Variants in PLXNA2 observed in about 807,000 individuals in gnomAD.
The protein encoded by PLXNA2 is plexin A2.
In PLXNA2, 91 loss-of-function variants were observed where a neutral mutation model predicts 193.5. The ratio of observed to expected loss-of-function variants is 0.47; its 90% confidence interval spans 0.40 to 0.56. The LOEUF (loss-of-function observed/expected upper bound fraction) is 0.56, where lower values mean the gene tolerates loss of function less well. PLXNA2 is among the 20% of genes least tolerant of loss of function. The pLI, the probability that PLXNA2 is intolerant of heterozygous loss-of-function variation, is 0.00. For missense variants in PLXNA2, 1,995 were observed against 2,503.2 expected (o/e 0.80, Z 4.33); for synonymous variants, 997 against 1,027.3 (o/e 0.97, Z 0.56).
In PLXNA2 at chr1:208,023,105, G is replaced by A. The variant is rs749548070; in HGVS notation, c.*4138C>T. On this transcript the variant is annotated 3_prime_UTR_variant, in exon 32 of 32. Transcript: ENST00000367033. ...AGCATGTTCCTGAGACAAGGCGTCG[G>A]AAGGCCCTGAAGTTCATCTCCCAAG... is the stretch of plus-strand genomic sequence containing the variant. The A allele has an allele frequency of 2.0e-5, 3 of 152,164 alleles. No individual in the cohort carries two copies. The highest frequency in any genetic ancestry group is 4.8e-5 in the African/African-American group (2 of 41,418). The allele number at this position is 152,164 out of a possible 1,614,324, so 9.4% of individuals were successfully genotyped here.
intron 29 of PLXNA2, 85 bp downstream of exon 29, chr1:208,031,505 C>CCACCCTCCCATCTCCTG: frequency 6.6e-7 from 1 of 1,526,272 alleles, no homozygotes; most frequent in South Asian, 1.1e-5. Context: ...GGCTATCCTC[C>CCACCCTCCCATCTCCTG]CACCCTCCCA....
At chr1:208,080,768 C>T (rs565964813) in intron 11 of PLXNA2, among the ~76,000 whole-genome samples, 1 of 152,324 alleles carries the variant, frequency 6.6e-6, no homozygotes, top group Admixed American at 6.5e-5. Flanking sequence ...TACCCATGAG[C>T]TCATTTGATC....
chr1:208,096,400 G>C (rs1209802317), intron 7 of PLXNA2, among the ~76,000 whole-genome samples: 1 of 152,134 alleles, frequency 6.6e-6, no homozygotes, highest in Non-Finnish European at 1.5e-5. Context: ...TTCCATTACT[G>C]AAAGGATTTC....
chr1:208,164,410 G>A (rs1486241677), intron 3 of PLXNA2, among the ~76,000 whole-genome samples: 1 of 152,356 alleles, frequency 6.6e-6, no homozygotes, highest in East Asian at 1.9e-4. Context: ...AAAGGTAAGA[G>A]CAGAGGTGAG....
chr1:208,029,654 C>T, intron 29 of PLXNA2: 1 of 987,220 alleles, frequency 1.0e-6, no homozygotes, highest in Non-Finnish European at 1.2e-6. Flanking sequence ...GAAGTGGAGG[C>T]CATTGTTGGC....
chr1:208,186,921 C>G lies in PLXNA2; in HGVS notation c.1371+23359G>C, dbSNP rs557368060. ...TATTTTTAGTAGAGACGGGGTTTCA[C>G]CTTGTTAGCCAGGATGGTCTCGATC... On this transcript the variant is annotated intron_variant, in intron 3 of 31. Coordinates refer to ENST00000367033, the MANE Select transcript of PLXNA2 (RefSeq NM_025179.4). 3.6e-4 allele frequency among the ~76,000 whole-genome samples: 54 copies of G among 151,012 alleles called. 1 individual carries two copies. In the East Asian group the frequency reaches 9.2e-3, roughly 26 times the overall value.
At chr1:208,192,107 G>C (rs1258955002) in intron 3 of PLXNA2, among the ~76,000 whole-genome samples, 1 of 152,156 alleles carries the variant, frequency 6.6e-6, no homozygotes, top group Non-Finnish European at 1.5e-5. Context: ...CTCAGCCCGT[G>C]CTGCCTGATT....
In PLXNA2 at chr1:208,185,949, C is replaced by A. The variant is rs1046482761; in HGVS notation, c.1371+24331G>T. 7.9e-5 allele frequency among the ~76,000 whole-genome samples: 12 copies of A among 152,052 alleles called. No homozygotes were observed. The South Asian group carries it at 2.3e-3, about 29-fold the overall frequency. On this transcript the variant is annotated intron_variant, in intron 3 of 31. Transcript: ENST00000367033. ...GTGGTGTCTATCAAGACTTAGCAAC[C>A]ACTGGGGCAGCAGACTAGATGTAGC...
At chr1:208,195,107 G>C (rs1014014670) in intron 3 of PLXNA2, among the ~76,000 whole-genome samples, 1 of 152,200 alleles carries the variant, frequency 6.6e-6, no homozygotes, top group African/African-American at 2.4e-5. Flanking sequence ...AAGAGTGAGT[G>C]GGAGAAGGCA....
chr1:208,212,700 C>A (rs1337546253), intron 2 of PLXNA2, among the ~76,000 whole-genome samples: 1 of 152,198 alleles, frequency 6.6e-6, no homozygotes, highest in African/African-American at 2.4e-5. Flanking sequence ...TTAATATTTA[C>A]CAGCACACCA....
At chr1:208,085,339 A>T (rs1666483245) in intron 9 of PLXNA2, among the ~76,000 whole-genome samples, 1 of 152,164 alleles carries the variant, frequency 6.6e-6, no homozygotes, top group South Asian at 2.1e-4. Context: ...TGAGCCTGGT[A>T]GCCCCTGGCA....
At chr1:208,136,342 G>A (rs1487604984) in intron 4 of PLXNA2, among the ~76,000 whole-genome samples, 2 of 152,220 alleles carry the variant, frequency 1.3e-5, no homozygotes, top group African/African-American at 4.8e-5. Context: ...AGAACAGTGT[G>A]CCAACTACTA....
chr1:208,152,685 A>ACACG (rs1668804293), intron 3 of PLXNA2, among the ~76,000 whole-genome samples: 1 of 36,726 alleles, frequency 2.7e-5, no homozygotes, highest in Non-Finnish European at 1.3e-4. Context: ...ACACACACGC[A>ACACG]CACACACACA....
chr1:208,225,814 C>A lies in PLXNA2; in HGVS notation c.-80-7812G>T, dbSNP rs137947496. Among the ~76,000 whole-genome samples, 187 of 152,314 alleles carry A rather than the reference C, an allele frequency of 1.2e-3. 1 individual carries two copies. The highest frequency in any genetic ancestry group is 4.2e-3 in the African/African-American group (175 of 41,574). On this transcript the variant is annotated intron_variant, in intron 1 of 31. Coordinates refer to ENST00000367033, the MANE Select transcript of PLXNA2 (RefSeq NM_025179.4). ...CTCAGAAGAGAGGTCTGGAACAGCT[C>A]CTTCCCTCACAGCCATCAGAAGGAA...
rs1665368118 is a variant in PLXNA2 at position 208,054,600 on chromosome 1, G to T, written c.2739-62C>A. 1.1e-5 allele frequency: 13 copies of T among 1,136,666 alleles called. 1 individual carries two copies. In the South Asian group the frequency reaches 1.5e-4, roughly 13 times the overall value. The allele number at this position is 1,136,666 out of a possible 1,614,324, so 70.4% of individuals were successfully genotyped here. ...CAAGGGCTGGCATCGCTGTTCACTT[G>T]CTCTCCCAGTCATGGCAAATGACTC... On this transcript the variant is annotated intron_variant, in intron 13 of 31. Transcript: ENST00000367033.
chr1:208,129,459 G>C (rs1211843902), intron 4 of PLXNA2, among the ~76,000 whole-genome samples: 3 of 152,150 alleles, frequency 2.0e-5, no homozygotes, highest in Non-Finnish European at 1.5e-5. Flanking sequence ...CCCCCTGAAG[G>C]CTGCTCACCT....
intron 3 of PLXNA2, among the ~76,000 whole-genome samples, chr1:208,201,241 G>GA (rs1375371628): frequency 6.6e-6 from 1 of 152,242 alleles, no homozygotes; most frequent in Non-Finnish European, 1.5e-5. Flanking sequence ...TGCAGCACAG[G>GA]ATACTGTGGT....
chr1:208,197,276 GTGATAA>G (rs1670390310), intron 3 of PLXNA2, among the ~76,000 whole-genome samples: 1 of 152,222 alleles, frequency 6.6e-6, no homozygotes, highest in African/African-American at 2.4e-5. Flanking sequence ...ATTATTCTAA[GTGATAA>G]AGGGAGGTCA....
At chr1:208,034,720 G>C in intron 26 of PLXNA2, 128 bp from the exon 27 acceptor site, 1 of 611,540 alleles carries the variant, frequency 1.6e-6, no homozygotes, top group Non-Finnish European at 3.0e-6. Context: ...AGGAATACCA[G>C]AAACAACCAT....
Sources: gnomAD v4.1 joint callset for allele counts (sites outside exome capture counted in the v4.1 genomes callset) on GRCh38, gnomAD v4.1.1 for gene constraint, MANE v1.5 for transcripts, NCBI Gene and HGNC (gene_info 2026-07-23, HGNC 2026-07-21) for gene names.